Variants in PHACTR2 observed in about 807,000 individuals in gnomAD.
The protein encoded by PHACTR2 is chromosome 6 open reading frame 56.
PHACTR2 carries 30 observed loss-of-function variants against 76.0 expected under a neutral mutation model. The observed-to-expected ratio is 0.39, with a 90% CI of 0.30 to 0.54. PHACTR2 has a LOEUF of 0.54. Ranked by LOEUF, PHACTR2 falls within the 20% of genes least tolerant of loss-of-function variation. PHACTR2 has a pLI of 0.61. For synonymous variants in PHACTR2, 292 were observed against 292.5 expected (o/e 1.00, Z 0.02); for missense variants, 696 against 781.1 (o/e 0.89, Z 1.30).
rs1313494632 is a variant in PHACTR2 at position 143,557,350 on chromosome 6, A to G, written c.217+20143A>G. On this transcript the variant is annotated intron_variant, in intron 1 of 11. Transcript: ENST00000367584. This position sits in a 1 kb window ranked among gnomAD's most constrained non-coding sequence, Gnocchi z 5.5. Reference sequence around the variant, plus strand: ...GGAGGTAAATCATCTTGGGTCATACAGCCAGTAAGTGCAGAGGCAGAATTT... The same window carrying G: ...GGAGGTAAATCATCTTGGGTCATACGGCCAGTAAGTGCAGAGGCAGAATTT... Among the ~76,000 whole-genome samples, 1 of 152,216 alleles carries G rather than the reference A, an allele frequency of 6.6e-6. No individual in the cohort carries two copies. The highest frequency in any genetic ancestry group is 1.5e-5 in the Non-Finnish European group (1 of 68,034).
At chr6:143,686,642 C>T (rs1276916112) in intron 1 of PHACTR2, among the ~76,000 whole-genome samples, 1 of 151,986 alleles carries the variant, frequency 6.6e-6, no homozygotes, top group Non-Finnish European at 1.5e-5. Context: ...CGTGAGCCAC[C>T]ATGCCCAGCT....
Position 143,557,052 on chromosome 6 carries a change from C to T in PHACTR2, c.217+19845C>T, listed in dbSNP as rs888745726. ...CCACAGGAGCTCGCCTACCATCTCT[C>T]TCCAAAATATGTTCTCCATGTGGTT... On this transcript the variant is annotated intron_variant, in intron 1 of 11. Coordinates refer to the PHACTR2 transcript ENST00000367584. The surrounding 1 kb of genome is among the most constrained non-coding windows in gnomAD (Gnocchi z 5.5). Among the ~76,000 whole-genome samples the T allele has an allele frequency of 1.3e-5, 2 of 152,194 alleles. No homozygotes were observed. Among genetic ancestry groups the T allele is most frequent in the Non-Finnish European group, 2.9e-5 (2 of 68,026 alleles).
Position 143,653,061 on chromosome 6 carries a change from G to A in PHACTR2, c.13+44739G>A, listed in dbSNP as rs1340826946. Among the ~76,000 whole-genome samples, 1 of 152,162 alleles carries A rather than the reference G, an allele frequency of 6.6e-6. No individual in the cohort carries two copies. Among genetic ancestry groups the A allele is most frequent in the Non-Finnish European group, 1.5e-5 (1 of 68,032 alleles). On this transcript the variant is annotated intron_variant, in intron 1 of 11. Coordinates refer to the PHACTR2 transcript ENST00000305766. The surrounding 1 kb of genome is among the most constrained non-coding windows in gnomAD (Gnocchi z 4.9). ...AACTGGCAAGAGAATTGTACTTGAT[G>A]GCACACGGTGTGATGGTTGCCTCAC... is the stretch of plus-strand genomic sequence containing the variant.
chr6:143,741,281 G>GCAGCAGAATGAGT (rs1778935767), intron 2 of PHACTR2, among the ~76,000 whole-genome samples: 1 of 149,268 alleles, frequency 6.7e-6, no homozygotes, highest in Admixed American at 6.7e-5. Context: ...GAAGGCTGAG[G>GCAGCAGAATGAGT]CAGGAGTTCA....
In PHACTR2 at chr6:143,806,987, A is replaced by T; in HGVS notation, c.1846-70A>T. On this transcript the variant is annotated intron_variant, in intron 11 of 12. Transcript: ENST00000440869. This position sits in a 1 kb window ranked among gnomAD's most constrained non-coding sequence, Gnocchi z 5.8. ...AAAAAAAAAAAGGTCTGCTTCATTG[A>T]TGCTGTATATACTGGGGCAATATAT... 5 of 750,674 alleles carry T rather than the reference A, an allele frequency of 6.7e-6. No individual in the cohort carries two copies. Among genetic ancestry groups the T allele is most frequent in the Non-Finnish European group, 1.1e-5 (5 of 444,784 alleles). The allele number at this position is 750,674 out of a possible 1,614,324, so 46.5% of individuals were successfully genotyped here. A position where few individuals can be genotyped will look rare whatever the true frequency, so the allele number is the denominator to read the frequency against.
rs1188408698 is a variant in PHACTR2, at chr6:143,550,868, A to G, written c.217+13661A>G. ...AGCCTGGGCAACATGGTGAAACCCC[A>G]TCTCTAGAAAAAATACAAAAATTAG... On this transcript the variant is annotated intron_variant, in intron 1 of 11. Transcript: ENST00000367584. This position sits in a 1 kb window ranked among gnomAD's most constrained non-coding sequence, Gnocchi z 4.8. Among the ~76,000 whole-genome samples the G allele has an allele frequency of 7.9e-5, 12 of 151,984 alleles. No homozygotes were observed. The highest frequency in any genetic ancestry group is 2.9e-4 in the African/African-American group (12 of 41,430).
rs575741318 is a variant in PHACTR2, at chr6:143,712,158, C to A, written c.189C>A (p.Ser63Arg). The part of the protein sequence containing the change: ...KPWKWRKKKT[S>R]DKFRETSAVL... ...GGAAATGGAGGAAAAAGAAGACCAG[C>A]GACAAATTTAGAGAAACCTCGGCAG... The change falls in exon 2 of 13, where the codon AGC becomes AGA. Residue 63 changes from serine to arginine, a missense_variant. Physicochemically the swap from Ser to Arg is moderately radical, Grantham distance 110. Coordinates refer to ENST00000440869, the MANE Select transcript of PHACTR2 (RefSeq NM_001100164.2). 1 of 1,538,026 alleles carries A rather than the reference C, an allele frequency of 6.5e-7. No individual in the cohort carries two copies. The highest frequency in any genetic ancestry group is 1.3e-5 in the South Asian group (1 of 77,564).
Position 143,659,146 on chromosome 6 carries a change from C to T in PHACTR2, c.13+50824C>T, listed in dbSNP as rs1776903777. 6.6e-6 allele frequency among the ~76,000 whole-genome samples: 1 copy of T among 152,062 alleles called. No homozygotes were observed. Among genetic ancestry groups the T allele is most frequent in the Non-Finnish European group, 1.5e-5 (1 of 68,000 alleles). On this transcript the variant is annotated intron_variant, in intron 1 of 11. Transcript: ENST00000305766. This position sits in a 1 kb window ranked among gnomAD's most constrained non-coding sequence, Gnocchi z 5.0. ...GTGAGTGATGGGTGAATGTGAAAGC[C>T]TTGGATATTATTCTACACCACTATA...
intron 1 of PHACTR2, among the ~76,000 whole-genome samples, chr6:143,660,260 G>C (rs1776926196): frequency 6.6e-6 from 1 of 151,384 alleles, no homozygotes; most frequent in Non-Finnish European, 1.5e-5. Context: ...AAAAAAAAAG[G>C]TTTATTGGAC....
chr6:143,756,810 G>A (rs1190264155), intron 4 of PHACTR2, among the ~76,000 whole-genome samples: 1 of 152,166 alleles, frequency 6.6e-6, no homozygotes, highest in Non-Finnish European at 1.5e-5. Flanking sequence ...CACTTTGAGA[G>A]GCCAAGGCGG....
chr6:143,688,970 T>C lies in PHACTR2; in HGVS notation c.46+10761T>C, dbSNP rs1411452475. Among the ~76,000 whole-genome samples the C allele has an allele frequency of 6.6e-6, 1 of 152,380 alleles. No homozygotes were observed. The highest frequency in any genetic ancestry group is 1.9e-4 in the East Asian group (1 of 5,194). On this transcript the variant is annotated intron_variant, in intron 1 of 12. Transcript: ENST00000440869. This position sits in a 1 kb window ranked among gnomAD's most constrained non-coding sequence, Gnocchi z 5.2. ...GCTCTACATGAGCCTATATGATCCC[T>C]GCCCACCTCTCTGACCTCATCTTCC...
chr6:143,821,748 C>T lies in PHACTR2; in HGVS notation c.1923-1926C>T, dbSNP rs981265387. ...GTGGATCAAACCTGTAATCGCAGCA[C>T]GCTGGGAGGCCGAGGACAGATTGCT... On this transcript the variant is annotated intron_variant, in intron 12 of 12. Transcript: ENST00000440869. The surrounding 1 kb of genome is among the most constrained non-coding windows in gnomAD (Gnocchi z 5.2). Among the ~76,000 whole-genome samples the T allele has an allele frequency of 4.6e-5, 7 of 152,144 alleles. No individual in the cohort carries two copies. The highest frequency in any genetic ancestry group is 2.1e-4 in the South Asian group (1 of 4,830).
At chr6:143,593,046 CAAAAAAAAAAA>C (rs67052242) in intron 1 of PHACTR2, among the ~76,000 whole-genome samples, 2 of 78,888 alleles carry the variant, frequency 2.5e-5, no homozygotes, top group Non-Finnish European at 4.7e-5. Flanking sequence ...GACCCTGCCT[CAAAAAAAAAAA>C]AAAAAAAAAA....
At position 143,583,219 on chromosome 6, in the gene PHACTR2, C is replaced by T. The variant is rs1030162767; in HGVS notation, c.217+46012C>T. Among the ~76,000 whole-genome samples, 11 of 152,198 alleles carry T rather than the reference C, an allele frequency of 7.2e-5. No individual in the cohort carries two copies. The highest frequency in any genetic ancestry group is 2.7e-4 in the African/African-American group (11 of 41,448). On this transcript the variant is annotated intron_variant, in intron 1 of 11. Transcript: ENST00000367584. This position sits in a 1 kb window ranked among gnomAD's most constrained non-coding sequence, Gnocchi z 4.0. ...TGATAAAGAGCATTCCTCCACAATC[C>T]GTCCATTTCTGGGAACCCAGAAGAT...
chr6:143,817,729 T>C (rs1582911297), intron 12 of PHACTR2, among the ~76,000 whole-genome samples: 1 of 152,240 alleles, frequency 6.6e-6, no homozygotes, highest in South Asian at 2.1e-4. Flanking sequence ...GAGGATATTA[T>C]GTTATGTGAA....
rs1265026063 is a variant in PHACTR2, at chr6:143,654,643, A to G, written c.13+46321A>G. On this transcript the variant is annotated intron_variant, in intron 1 of 11. Transcript: ENST00000305766. This position sits in a 1 kb window ranked among gnomAD's most constrained non-coding sequence, Gnocchi z 4.6. ...AACATAGCAAGACTCCATCTCTACA[A>G]AAAGTAAAAAATTAGCCAAGCATGG... Among the ~76,000 whole-genome samples, 3 of 151,794 alleles carry G rather than the reference A, an allele frequency of 2.0e-5. No individual in the cohort carries two copies. The highest frequency in any genetic ancestry group is 4.4e-5 in the Non-Finnish European group (3 of 67,984).
At chr6:143,705,685 C>T (rs1778036764) in intron 1 of PHACTR2, among the ~76,000 whole-genome samples, 1 of 152,190 alleles carries the variant, frequency 6.6e-6, no homozygotes, top group African/African-American at 2.4e-5. Context: ...GTAGTTACTA[C>T]AGGGTTGTGG....
In PHACTR2 at chr6:143,731,397, C is replaced by G. The variant is rs1016894993; in HGVS notation, c.215-17588C>G. Among the ~76,000 whole-genome samples, 10 of 152,120 alleles carry G rather than the reference C, an allele frequency of 6.6e-5. No individual in the cohort carries two copies. Among genetic ancestry groups the G allele is most frequent in the Non-Finnish European group, 1.5e-4 (10 of 68,024 alleles). On this transcript the variant is annotated intron_variant, in intron 2 of 12. Coordinates refer to ENST00000440869, the MANE Select transcript of PHACTR2 (RefSeq NM_001100164.2). The surrounding 1 kb of genome is among the most constrained non-coding windows in gnomAD (Gnocchi z 4.9). ...CCGCCTCCCAGGTTCAAGTGATTCT[C>G]CTGCCTCAGCCTCCGGAGTAGCTGG...
In PHACTR2 at chr6:143,678,453, G is replaced by GTT. The variant is rs34363540; in HGVS notation, c.46+249_46+250dup. Among the ~76,000 whole-genome samples, 1 of 152,094 alleles carries GTT rather than the reference G, an allele frequency of 6.6e-6. No individual in the cohort carries two copies. The highest frequency in any genetic ancestry group is 2.4e-5 in the African/African-American group (1 of 41,394). The stretch of plus-strand genomic sequence containing the variant: ...TTTCTGTGCGCGATGCCTCGCTGTG[G>GTT]TTTTTTATCCAAATTATTTCGGAGC... On this transcript the variant is annotated intron_variant, in intron 1 of 12. Coordinates refer to ENST00000440869, the MANE Select transcript of PHACTR2 (RefSeq NM_001100164.2). This position sits in a 1 kb window ranked among gnomAD's most constrained non-coding sequence, Gnocchi z 6.2.
Sources: gnomAD v4.1 joint callset for allele counts (sites outside exome capture counted in the v4.1 genomes callset) on GRCh38, gnomAD v4.1.1 for gene constraint, Gnocchi (gnomAD v3.1) non-coding constraint, MANE v1.5 for transcripts, NCBI Gene and HGNC (gene_info 2026-07-23, HGNC 2026-07-21) for gene names.